The following DOK5 variants were observed in gnomAD, a reference collection of about 807,000 sequenced individuals.
The protein encoded by DOK5 is downstream of tyrosine kinase 5.
Under a neutral mutation model 43.3 loss-of-function variants are expected in DOK5, and 27 were observed. The ratio of observed to expected loss-of-function variants is 0.62; its 90% CI spans 0.46 to 0.86. DOK5 has a LOEUF of 0.86. Ranked by LOEUF, DOK5 falls within the 40% of genes least tolerant of loss-of-function variation. The probability of loss-of-function intolerance (pLI) is 0.00; values close to 1 mark genes in which losing one functional copy is unlikely to be tolerated. For synonymous variants in DOK5, 146 were observed against 140.1 expected (o/e 1.04, Z -0.30); for missense variants, 373 against 392.9 (o/e 0.95, Z 0.43).
At chr20:54,645,104 ACT>A (rs747589570) in intron 7 of DOK5, among the ~76,000 whole-genome samples, 1 of 147,852 alleles carries the variant, frequency 6.8e-6, no homozygotes, top group Non-Finnish European at 1.5e-5. Context: ...GCGCAAAAAA[ACT>A]CTTTAATGAT....
intron 1 of DOK5, among the ~76,000 whole-genome samples, chr20:54,488,366 C>T (rs1600655361): frequency 1.3e-5 from 2 of 152,324 alleles, no homozygotes; most frequent in East Asian, 3.9e-4. Flanking sequence ...CTGGCTGTCT[C>T]TTGGCATCCA....
At chr20:54,611,225 C>G (rs578111508) in intron 6 of DOK5, among the ~76,000 whole-genome samples, 10 of 152,292 alleles carry the variant, frequency 6.6e-5, no homozygotes, top group Middle Eastern at 3.4e-3. Flanking sequence ...AACACTTACT[C>G]TTTGCTTTAC....
intron 1 of DOK5, among the ~76,000 whole-genome samples, chr20:54,525,033 G>A (rs977274018): frequency 2.0e-5 from 3 of 152,166 alleles, no homozygotes; most frequent in Non-Finnish European, 2.9e-5. Flanking sequence ...GAGAGCAGGC[G>A]GAAGTTCTTA....
intron 1 of DOK5, among the ~76,000 whole-genome samples, chr20:54,495,866 A>AGTG (rs1277489970): frequency 2.0e-5 from 3 of 152,162 alleles, no homozygotes; most frequent in African/African-American, 7.2e-5. Flanking sequence ...TGGGCAACAG[A>AGTG]GTGAGACGCC....
intron 2 of DOK5, among the ~76,000 whole-genome samples, chr20:54,563,098 C>A (rs1018504529): frequency 6.6e-6 from 1 of 152,160 alleles, no homozygotes. Flanking sequence ...TCAAGGACTG[C>A]GGCAGCCACC....
At chr20:54,543,788 G>T (rs1231997663) in intron 1 of DOK5, among the ~76,000 whole-genome samples, 1 of 152,084 alleles carries the variant, frequency 6.6e-6, no homozygotes, top group Non-Finnish European at 1.5e-5. Context: ...ATTTTCTATG[G>T]TATACATATT....
intron 1 of DOK5, among the ~76,000 whole-genome samples, chr20:54,549,358 A>T (rs897719264): frequency 2.6e-5 from 4 of 152,138 alleles, no homozygotes; most frequent in Non-Finnish European, 5.9e-5. Context: ...AAAGATCTTG[A>T]TTGCACACAT....
chr20:54,606,055 C>G (rs952492237), intron 5 of DOK5, among the ~76,000 whole-genome samples: 1 of 152,130 alleles, frequency 6.6e-6, no homozygotes, highest in African/African-American at 2.4e-5. Context: ...TATTATGTTG[C>G]CTTTGGTAGG....
intron 1 of DOK5, among the ~76,000 whole-genome samples, chr20:54,546,402 T>C (rs1024845206): frequency 1.3e-5 from 2 of 152,210 alleles, no homozygotes; most frequent in Non-Finnish European, 2.9e-5. Flanking sequence ...TATATATCTT[T>C]TTTTTTATTA....
intron 2 of DOK5, among the ~76,000 whole-genome samples, chr20:54,569,248 G>A (rs1039952652): frequency 6.6e-6 from 1 of 152,090 alleles, no homozygotes; most frequent in Non-Finnish European, 1.5e-5. Context: ...AAATTATAGT[G>A]GCAGTTCCTT....
chr20:54,618,719 T>A (rs1986892514), intron 6 of DOK5, among the ~76,000 whole-genome samples: 1 of 152,022 alleles, frequency 6.6e-6, no homozygotes, highest in Admixed American at 6.6e-5. Flanking sequence ...TATATCTTTT[T>A]AAAAAATCAC....
chr20:54,479,097 A>G (rs973306041), intron 1 of DOK5, among the ~76,000 whole-genome samples: 7 of 152,150 alleles, frequency 4.6e-5, no homozygotes, highest in African/African-American at 1.7e-4. Flanking sequence ...TTTTAACAGG[A>G]CAGGAAACAT....
chr20:54,645,437 C>T (rs1354834430), intron 7 of DOK5, among the ~76,000 whole-genome samples: 1 of 151,290 alleles, frequency 6.6e-6, no homozygotes, highest in Non-Finnish European at 1.5e-5. Context: ...GTCCTCCATG[C>T]CCGCTCTGAA....
chr20:54,556,258 T>G (rs1984704989), intron 2 of DOK5, among the ~76,000 whole-genome samples: 1 of 152,188 alleles, frequency 6.6e-6, no homozygotes, highest in African/African-American at 2.4e-5. Context: ...CTTTCTTCTC[T>G]CCAATGGAGA....
At chr20:54,582,147 C>T (rs1286134253) in intron 2 of DOK5, among the ~76,000 whole-genome samples, 2 of 151,638 alleles carry the variant, frequency 1.3e-5, no homozygotes, top group Admixed American at 6.6e-5. Flanking sequence ...TTCATCCTTT[C>T]TTCTGTTAAT....
chr20:54,571,762 T>C (rs1860481925), intron 2 of DOK5, among the ~76,000 whole-genome samples: 1 of 152,182 alleles, frequency 6.6e-6, no homozygotes, highest in Non-Finnish European at 1.5e-5. Context: ...ATCTTATGAT[T>C]CACCCTAAAC....
At chr20:54,581,187 T>C (rs1042213011) in intron 2 of DOK5, among the ~76,000 whole-genome samples, 1 of 152,082 alleles carries the variant, frequency 6.6e-6, no homozygotes, top group Admixed American at 6.6e-5. Flanking sequence ...TTTTATTGTA[T>C]AAGCATCAAT....
At chr20:54,619,052 T>C (rs945349024) in intron 6 of DOK5, among the ~76,000 whole-genome samples, 1 of 111,790 alleles carries the variant, frequency 8.9e-6, no homozygotes, top group East Asian at 2.4e-4. Context: ...TATATATATA[T>C]ATATATATAT....
In DOK5 at chr20:54,517,320, G is replaced by T. The variant is rs1018479802; in HGVS notation, c.67-37613G>T. ...AAGAATCAGATGCTATTTTACAGAAGTTTTATAACAAGCTTAAATTTTGAA... is the reference window on the plus strand; with the variant it reads ...AAGAATCAGATGCTATTTTACAGAATTTTTATAACAAGCTTAAATTTTGAA... On this transcript the variant is annotated intron_variant, in intron 1 of 7. Coordinates refer to ENST00000262593, the MANE Select transcript of DOK5 (RefSeq NM_018431.5). Among the ~76,000 whole-genome samples, 20 of 152,152 alleles carry T rather than the reference G, an allele frequency of 1.3e-4. No individual in the cohort carries two copies. In the East Asian group the frequency reaches 3.9e-3, roughly 29 times the overall value.
Sources: allele counts gnomAD v4.1 joint callset (sites outside exome capture counted in the v4.1 genomes callset), GRCh38; gene constraint gnomAD v4.1.1; transcripts MANE v1.5; gene names NCBI Gene and HGNC (gene_info 2026-07-23, HGNC 2026-07-21).